Variants in SNTG1 observed in about 807,000 individuals in gnomAD.
SNTG1 encodes gamma-1-syntrophin.
SNTG1 carries 39 observed loss-of-function variants against 74.7 expected under a neutral mutation model. That is an observed-to-expected ratio of 0.52 (90% CI 0.40 to 0.68). SNTG1 has a LOEUF of 0.68. SNTG1 is among the 30% of genes least tolerant of loss of function. The probability of loss-of-function intolerance (pLI) is 0.00; values close to 1 mark genes in which losing one functional copy is unlikely to be tolerated. For synonymous variants in SNTG1, 254 were observed against 217.1 expected (o/e 1.17, Z -1.49); for missense variants, 685 against 609.5 (o/e 1.12, Z -1.30).
chr8:50,343,180 A>T (rs534969961), intron 2 of SNTG1, among the ~76,000 whole-genome samples: 1 of 152,292 alleles, frequency 6.6e-6, no homozygotes, highest in South Asian at 2.1e-4. Context: ...AACAAGCTTA[A>T]CCTCCCAGTG....
chr8:50,494,362 G>A (rs551511297), intron 8 of SNTG1, among the ~76,000 whole-genome samples: 281 of 151,414 alleles, frequency 1.9e-3, no homozygotes, highest in African/African-American at 5.8e-3. Context: ...TAATTGTCTC[G>A]TTTATTTTAT....
intron 1 of SNTG1, among the ~76,000 whole-genome samples, chr8:50,077,649 C>G (rs555212306): frequency 6.6e-6 from 1 of 152,254 alleles, no homozygotes; most frequent in East Asian, 1.9e-4. Flanking sequence ...ATACTATTGT[C>G]CAACCATCAT....
intron 17 of SNTG1, 59 bp downstream of exon 17, chr8:50,709,037 T>C (rs1404894153): frequency 3.2e-6 from 4 of 1,245,796 alleles, no homozygotes; most frequent in Non-Finnish European, 4.7e-6. Context: ...TGAAGAATGA[T>C]TTAAATGCCT....
intron 2 of SNTG1, among the ~76,000 whole-genome samples, chr8:50,242,584 T>C (rs985052493): frequency 6.6e-6 from 1 of 151,526 alleles, no homozygotes; most frequent in African/African-American, 2.4e-5. Context: ...TGTAGGTTTT[T>C]ATGGAAGCTT....
intron 1 of SNTG1, among the ~76,000 whole-genome samples, chr8:50,085,798 C>A (rs1299436964): frequency 1.3e-5 from 2 of 152,196 alleles, no homozygotes; most frequent in East Asian, 1.9e-4. Flanking sequence ...CTCACAATTT[C>A]TCTCATCCAT....
chr8:50,687,891 A>G (rs2095359688), intron 15 of SNTG1, among the ~76,000 whole-genome samples: 1 of 151,962 alleles, frequency 6.6e-6, no homozygotes, highest in Non-Finnish European at 1.5e-5. Flanking sequence ...AAGTGTTCCT[A>G]TTTCTCCACA....
intron 1 of SNTG1, among the ~76,000 whole-genome samples, chr8:49,988,775 A>G (rs4873121): frequency 0.1 from 15,815 of 152,092 alleles, 1,222 homozygotes; most frequent in African/African-American, 0.2. Flanking sequence ...CTTAAGCACT[A>G]CATAGAGATA....
At chr8:49,970,879 G>A (rs887822433) in intron 1 of SNTG1, among the ~76,000 whole-genome samples, 1 of 152,154 alleles carries the variant, frequency 6.6e-6, no homozygotes, top group African/African-American at 2.4e-5. Context: ...AATGCACACA[G>A]GACTCAACTC....
chr8:50,278,512 A>G (rs2088244913), intron 2 of SNTG1, among the ~76,000 whole-genome samples: 1 of 152,170 alleles, frequency 6.6e-6, no homozygotes, highest in Non-Finnish European at 1.5e-5. Context: ...AGGACTCTTT[A>G]TGACATACAA....
intron 1 of SNTG1, among the ~76,000 whole-genome samples, chr8:50,067,417 G>A (rs1820986114): frequency 6.6e-6 from 1 of 152,114 alleles, no homozygotes; most frequent in Non-Finnish European, 1.5e-5. Context: ...AAATACAATT[G>A]TAGGCCATAT....
At chr8:49,937,799 G>A (rs900491387) in intron 1 of SNTG1, among the ~76,000 whole-genome samples, 2 of 152,152 alleles carry the variant, frequency 1.3e-5, no homozygotes, top group Admixed American at 1.3e-4. Context: ...TTTCCTTTTA[G>A]AGTTATTCAG....
intron 2 of SNTG1, among the ~76,000 whole-genome samples, chr8:50,279,011 TAGA>T (rs749136891): frequency 3.9e-5 from 6 of 152,242 alleles, no homozygotes; most frequent in Middle Eastern, 3.4e-3. Context: ...CATCATAATT[TAGA>T]AGAAGATGAG....
chr8:50,587,429 A>G (rs2094657605), intron 12 of SNTG1, among the ~76,000 whole-genome samples: 1 of 152,192 alleles, frequency 6.6e-6, no homozygotes, highest in Non-Finnish European at 1.5e-5. Flanking sequence ...GTTTAGCATA[A>G]TAAATACTTC....
In SNTG1 at chr8:50,389,829, G is replaced by A. The variant is rs11993522; in HGVS notation, c.-27-4383G>A. Reference sequence around the variant, plus strand: ...TGGTTTTGATTTTCATTTCTCTGATGGCCAGTGATGATGAGCATTTTTTCA... The same window carrying A: ...TGGTTTTGATTTTCATTTCTCTGATAGCCAGTGATGATGAGCATTTTTTCA... On this transcript the variant is annotated intron_variant, in intron 2 of 18. Coordinates refer to ENST00000642720, the MANE Select transcript of SNTG1 (RefSeq NM_018967.5). Among the ~76,000 whole-genome samples, 1,426 of 152,290 alleles carry A rather than the reference G, an allele frequency of 9.4e-3. 28 individuals are homozygous for A. Among genetic ancestry groups the A allele is most frequent in the African/African-American group, 0.033 (1,352 of 41,550 alleles).
At chr8:50,340,939 T>A (rs1200862290) in intron 2 of SNTG1, among the ~76,000 whole-genome samples, 1 of 151,942 alleles carries the variant, frequency 6.6e-6, no homozygotes, top group Non-Finnish European at 1.5e-5. Context: ...TTGCTTCACT[T>A]GTTCACACAC....
intron 1 of SNTG1, among the ~76,000 whole-genome samples, chr8:50,037,061 T>C (rs1478929267): frequency 1.3e-5 from 2 of 152,258 alleles, no homozygotes; most frequent in Non-Finnish European, 2.9e-5. Context: ...CTCTTGCTTT[T>C]CAGCACTGGG....
At chr8:49,941,628 C>T (rs1294062567) in intron 1 of SNTG1, among the ~76,000 whole-genome samples, 2 of 151,926 alleles carry the variant, frequency 1.3e-5, no homozygotes, top group Non-Finnish European at 2.9e-5. Flanking sequence ...GGCCTGCGGC[C>T]TGAGTGAGCC....
intron 15 of SNTG1, among the ~76,000 whole-genome samples, chr8:50,693,685 C>T (rs2095392410): frequency 6.6e-6 from 1 of 152,136 alleles, no homozygotes; most frequent in Non-Finnish European, 1.5e-5. Flanking sequence ...ACATATGGGA[C>T]ATTCTCTAGG....
chr8:50,092,376 G>A (rs1486338427), intron 1 of SNTG1, among the ~76,000 whole-genome samples: 1 of 152,124 alleles, frequency 6.6e-6, no homozygotes, highest in Non-Finnish European at 1.5e-5. Context: ...TCTTCCTTTA[G>A]GAAGGCCGTG....
Sources: allele counts gnomAD v4.1 joint callset (sites outside exome capture counted in the v4.1 genomes callset), GRCh38; gene constraint gnomAD v4.1.1; transcripts MANE v1.5; gene names NCBI Gene and HGNC (gene_info 2026-07-23, HGNC 2026-07-21).